The following ROBO4 variants were observed in gnomAD, a reference collection of about 807,000 sequenced individuals.
ROBO4 encodes the protein roundabout homolog 4.
ROBO4 carries 80 observed loss-of-function variants against 103.3 expected under a neutral mutation model. That is an observed-to-expected ratio of 0.77 (90% CI 0.65 to 0.93). The LOEUF (loss-of-function observed/expected upper bound fraction) is 0.93. ROBO4 is among the 40% of genes least tolerant of loss of function. ROBO4 has a pLI of 0.00. For synonymous variants in ROBO4, 504 were observed against 529.7 expected (o/e 0.95, Z 0.67); for missense variants, 1,333 against 1,305.3 (o/e 1.02, Z -0.33).
chr11:124,887,689 C>A, intron 13 of ROBO4, 44 bp downstream of exon 13: 1 of 1,589,014 alleles, frequency 6.3e-7, no homozygotes, highest in Non-Finnish European at 8.6e-7. Context: ...CATCCCTACA[C>A]CCTATCTCAC....
rs773730990 is a variant in ROBO4, at chr11:124,896,984, G to C, written c.348C>G (p.Ala116=). The C allele has an allele frequency of 6.2e-7, 1 of 1,613,988 alleles. No individual in the cohort carries two copies. Among genetic ancestry groups the C allele is most frequent in the Admixed American group, 1.7e-5 (1 of 60,020 alleles). ...STDLGVYTCE[A]SNRLGTAVSR... ...TGACTGCCGTGCCAAGCCGGTTGCTGGCCTCACATGTGTAGACACCCAGGT... is the reference window on the plus strand; with the variant it reads ...TGACTGCCGTGCCAAGCCGGTTGCTCGCCTCACATGTGTAGACACCCAGGT... Residue 116 remains alanine, a synonymous_variant, in exon 2 of 18, where the codon GCC becomes GCG. Transcript: ENST00000306534.
At chr11:124,893,364 C>T (rs1044454781) in intron 10 of ROBO4, among the ~76,000 whole-genome samples, 1 of 152,118 alleles carries the variant, frequency 6.6e-6, no homozygotes, top group Non-Finnish European at 1.5e-5. Flanking sequence ...CATGGGTGCA[C>T]GCATAAGATG....
intron 12 of ROBO4, among the ~76,000 whole-genome samples, chr11:124,890,064 T>C (rs1371003528): frequency 6.6e-6 from 1 of 152,228 alleles, no homozygotes; most frequent in East Asian, 1.9e-4. Flanking sequence ...CCAGTAGCAT[T>C]ACTGTTCTAA....
In ROBO4 at chr11:124,886,631, C is replaced by A; in HGVS notation, c.2627G>T (p.Gly876Val). ...ATTGTCCTCAGAGGCTGAGCCCCAA[C>A]CATTGGCTAAGGAGCCCTCGCTGGG... Reference protein sequence around the residue: ...PTPSEGSLANGWGSASEDNAA... With the variant: ...PTPSEGSLANVWGSASEDNAA... The change falls in exon 16 of 18, where the codon GGT becomes GTT. Residue 876 changes from glycine to valine, a missense_variant. By Grantham distance (109) the Gly-to-Val change is moderately radical. Coordinates refer to ENST00000306534, the MANE Select transcript of ROBO4 (RefSeq NM_019055.6). The A allele has an allele frequency of 6.2e-7, 1 of 1,614,146 alleles. No homozygotes were observed. The highest frequency in any genetic ancestry group is 1.3e-5 in the African/African-American group (1 of 75,072).
At chr11:124,885,721 C>T (rs1946701202) in intron 16 of ROBO4, among the ~76,000 whole-genome samples, 1 of 152,066 alleles carries the variant, frequency 6.6e-6, no homozygotes, top group Admixed American at 6.5e-5. Context: ...GATAAAGGTC[C>T]CACTCTGCTG....
chr11:124,892,005 A>T, intron 10 of ROBO4: 1 of 724,980 alleles, frequency 1.4e-6, no homozygotes, highest in Non-Finnish European at 2.5e-6. Context: ...TTATTCCTGG[A>T]TGAGGGGAAA....
At chr11:124,892,062 A>G (rs948027541) in intron 10 of ROBO4, 3 of 669,450 alleles carry the variant, frequency 4.5e-6, no homozygotes, top group Non-Finnish European at 8.2e-6. Context: ...ACAGCTATGT[A>G]TGCTGAGGTA....
Position 124,887,772 on chromosome 11 carries a change from A to G in ROBO4, c.2017T>C (p.Leu673=), listed in dbSNP as rs1472740617. ...SHSLELRACE[L]GNRGSKNLSQ... is the part of the protein sequence containing the mutation. Reference sequence around the variant, plus strand: ...AGGTTCTTGGAACCTCTATTTCCTAACTCACAGGCCCGGAGCTCCAAGGAG... The same window carrying G: ...AGGTTCTTGGAACCTCTATTTCCTAGCTCACAGGCCCGGAGCTCCAAGGAG... The change falls in exon 13 of 18, where the codon TTA becomes CTA. Residue 673 remains leucine (L), a synonymous_variant. Coordinates refer to ENST00000306534, the MANE Select transcript of ROBO4 (RefSeq NM_019055.6). The G allele has an allele frequency of 1.2e-6, 2 of 1,613,874 alleles. No homozygotes were observed. Among genetic ancestry groups the G allele is most frequent in the Middle Eastern group, 3.3e-4 (2 of 6,058 alleles).
At chr11:124,887,252 C>T (rs1249700816) in intron 14 of ROBO4, 39 bp from the exon 15 acceptor site, 3 of 1,589,716 alleles carry the variant, frequency 1.9e-6, no homozygotes, top group African/African-American at 1.3e-5. Flanking sequence ...GTAGTTACTA[C>T]AGCTCTTCAA....
At chr11:124,885,515 C>A (rs528352836) in intron 16 of ROBO4, among the ~76,000 whole-genome samples, 1 of 152,190 alleles carries the variant, frequency 6.6e-6, no homozygotes, top group Non-Finnish European at 1.5e-5. Context: ...CCTGGGCATT[C>A]TTCTTCTGCC....
chr11:124,893,537 A>G, intron 10 of ROBO4, 151 bp downstream of exon 10: 1 of 738,788 alleles, frequency 1.4e-6, no homozygotes, highest in Non-Finnish European at 2.5e-6. Flanking sequence ...AATGACAGAG[A>G]AATGAACTAT....
rs759110626 is a variant in ROBO4, at chr11:124,887,231, G to C, written c.2199-18C>G. ...CCGGAGGCCTGATTTGCGGGAGAGA[G>C]TGATGGCACCGTAGTTACTACAGCT... On this transcript the variant is annotated intron_variant, in intron 14 of 17. Transcript: ENST00000306534. 11 of 1,586,146 alleles carry C rather than the reference G, an allele frequency of 6.9e-6. No homozygotes were observed. Among genetic ancestry groups the C allele is most frequent in the East Asian group, 2.2e-5 (1 of 44,598 alleles).
intron 12 of ROBO4, among the ~76,000 whole-genome samples, chr11:124,889,351 A>G (rs1946767064): frequency 6.6e-6 from 1 of 152,178 alleles, no homozygotes; most frequent in Admixed American, 6.5e-5. Flanking sequence ...TTGAGTGGAA[A>G]GGGAAAGAAA....
Position 124,893,890 on chromosome 11 carries a change from G to A in ROBO4, c.1474C>T (p.Arg492Trp), listed in dbSNP as rs145321826. 143 of 1,612,702 alleles carry A rather than the reference G, an allele frequency of 8.9e-5. No homozygotes were observed. The highest frequency in any genetic ancestry group is 4.6e-4 in the South Asian group (42 of 90,902). Residue 492 changes from arginine (R) to tryptophan (W), a missense_variant, in exon 9 of 18, where the codon CGG becomes TGG. Physicochemically the swap from Arg to Trp is moderately radical, Grantham distance 101 (BLOSUM62 -3). Coordinates refer to ENST00000306534, the MANE Select transcript of ROBO4 (RefSeq NM_019055.6). Reference protein sequence around the residue: ...LLGTAVCIHRRRRARVHLGPG... With the variant: ...LLGTAVCIHRWRRARVHLGPG... The stretch of plus-strand genomic sequence containing the variant: ...CCCAGGTGCACCCTAGCTCGGCGCC[G>A]GCGGTGGATACACACGGCGGTGCCC...
chr11:124,891,212 A>C (rs1441639507), intron 12 of ROBO4, 87 bp downstream of exon 12: 14 of 1,452,222 alleles, frequency 9.6e-6, no homozygotes, highest in Non-Finnish European at 1.3e-5. Context: ...ACGCCCCTCC[A>C]GGCTTTGAGG....
chr11:124,894,369 C>T lies in ROBO4; in HGVS notation c.1150G>A (p.Val384Ile), dbSNP rs199617085. The change falls in exon 8 of 18, where the codon GTC becomes ATC. Residue 384 changes from valine (V) to isoleucine (I), a missense_variant and splice_region_variant. By Grantham distance (29) the Val-to-Ile change is conservative. Coordinates refer to ENST00000306534, the MANE Select transcript of ROBO4 (RefSeq NM_019055.6). ...NHNGIIRGYQ[V>I]WSLGNTSLPP... Reference sequence around the variant, plus strand: ...AGTGATGTGTTGCCCAGGCTCCAGACCTGAGGCACAAGCAGAGGTGAACAG... The same window carrying T: ...AGTGATGTGTTGCCCAGGCTCCAGATCTGAGGCACAAGCAGAGGTGAACAG... 8.1e-5 allele frequency: 131 copies of T among 1,610,768 alleles called. 2 individuals are homozygous for T. The East Asian group carries it at 2.8e-3, about 34-fold the overall frequency.
At chr11:124,890,853 G>T (rs374180243) in intron 12 of ROBO4, among the ~76,000 whole-genome samples, 3 of 152,354 alleles carry the variant, frequency 2.0e-5, no homozygotes, top group African/African-American at 4.8e-5. Flanking sequence ...AGATGAGCTC[G>T]TGGGAGCCTG....
rs368093072 is a variant in ROBO4 at position 124,886,780 on chromosome 11, G to C, written c.2478C>G (p.Thr826=). The C allele has an allele frequency of 1.1e-5, 17 of 1,545,868 alleles. No individual in the cohort carries two copies. The African/African-American group carries it at 1.9e-4, about 17-fold the overall frequency. ...TTGGGACGCTGATGTACCCATAGGTGGTGGGGGGTGAAGGAGCCCTTGGCA... is the reference window on the plus strand; with the variant it reads ...TTGGGACGCTGATGTACCCATAGGTCGTGGGGGGTGAAGGAGCCCTTGGCA... The part of the protein sequence containing the change: ...SPMPRAPSPP[T]TYGYISVPTA... The change falls in exon 16 of 18, where the codon ACC becomes ACG. Residue 826 remains threonine (T), a synonymous_variant. Transcript: ENST00000306534.
intron 7 of ROBO4, 65 bp downstream of exon 7, chr11:124,895,016 A>G: frequency 8.2e-7 from 1 of 1,220,388 alleles, no homozygotes; most frequent in Non-Finnish European, 1.2e-6. Context: ...AAGGGTATGC[A>G]GAACTCCAGA....
Sources: allele counts gnomAD v4.1 joint callset (sites outside exome capture counted in the v4.1 genomes callset), GRCh38; gene constraint gnomAD v4.1.1; transcripts MANE v1.5; gene names NCBI Gene and HGNC (gene_info 2026-07-23, HGNC 2026-07-21).